Variants in ATF7 observed in about 807,000 individuals in gnomAD.
ATF7 encodes the protein cyclic AMP-dependent transcription factor ATF-7.
Under a neutral mutation model 50.4 loss-of-function variants are expected in ATF7, and 10 were observed. That is an observed-to-expected ratio of 0.20 (90% CI 0.12 to 0.34). ATF7 has a LOEUF of 0.34. ATF7 is among the 10% of genes least tolerant of loss of function. The pLI is 1.00. For missense variants in ATF7, 465 were observed against 613.9 expected, an observed-to-expected ratio of 0.76 and a Z score of 2.56; for synonymous variants, 201 against 226.4, an observed-to-expected ratio of 0.89 and a Z score of 1.01.
intron 3 of ATF7, among the ~76,000 whole-genome samples, chr12:53,547,785 ATG>A (rs1940043664): frequency 2.4e-5 from 3 of 123,136 alleles, no homozygotes; most frequent in Non-Finnish European, 3.6e-5. Flanking sequence ...GTATGTATGT[ATG>A]TATGTATGAT....
intron 8 of ATF7, 112 bp from the exon 9 acceptor site, chr12:53,532,008 T>A: frequency 8.2e-7 from 1 of 1,217,730 alleles, no homozygotes; most frequent in Non-Finnish European, 1.1e-6. Flanking sequence ...ATTTCCACTC[T>A]AGTTCTCCCT....
At chr12:53,588,610 C>T (rs901921426) in intron 2 of ATF7, among the ~76,000 whole-genome samples, 4 of 152,074 alleles carry the variant, frequency 2.6e-5, no homozygotes, top group African/African-American at 7.2e-5. Context: ...AAAACTAAGG[C>T]GAGAAAGAAG....
Position 53,554,854 on chromosome 12 carries a change from CCT to C in ATF7, c.49-2219_49-2218del, listed in dbSNP as rs1940612757. Among the ~76,000 whole-genome samples the C allele has an allele frequency of 3.8e-5, 4 of 104,576 alleles. No homozygotes were observed. In the Admixed American group the frequency reaches 5.3e-4, roughly 14 times the overall value. The allele number at this position is 104,576 out of a possible 152,430, so 68.6% of individuals were successfully genotyped here. A position where few individuals can be genotyped will look rare whatever the true frequency, so the allele number is the denominator to read the frequency against. Reference sequence around the variant, plus strand: ...CTCCAGCCTGGGTGACAGAGGAAGACCTTGTCTCAAAAAAAGAAAAAAAAAAA... The same window carrying C: ...CTCCAGCCTGGGTGACAGAGGAAGACTGTCTCAAAAAAAGAAAAAAAAAAA... On this transcript the variant is annotated intron_variant, in intron 2 of 11. Transcript: ENST00000420353.
chr12:53,583,637 T>C (rs1416497638), intron 2 of ATF7, among the ~76,000 whole-genome samples: 1 of 152,140 alleles, frequency 6.6e-6, no homozygotes, highest in Non-Finnish European at 1.5e-5. Context: ...GACTTTTGTA[T>C]GGCGATGACT....
At chr12:53,569,268 G>A (rs1195026916) in intron 2 of ATF7, among the ~76,000 whole-genome samples, 2 of 152,200 alleles carry the variant, frequency 1.3e-5, no homozygotes, top group Non-Finnish European at 2.9e-5. Context: ...CAACACAGAA[G>A]AACAGCAGCA....
chr12:53,521,516 C>T (rs1423385907), intron 11 of ATF7, among the ~76,000 whole-genome samples: 1 of 152,206 alleles, frequency 6.6e-6, no homozygotes, highest in Non-Finnish European at 1.5e-5. Context: ...TGATCCTCCT[C>T]CCTATAGTAC....
intron 4 of ATF7, chr12:53,542,945 G>A (rs1939661472): frequency 6.5e-6 from 7 of 1,076,752 alleles, no homozygotes; most frequent in Non-Finnish European, 7.9e-6. Context: ...GTGTAGCTGA[G>A]AAGTCTGATC....
At chr12:53,552,918 AGG>A (rs1454760101) in intron 2 of ATF7, among the ~76,000 whole-genome samples, 2 of 152,110 alleles carry the variant, frequency 1.3e-5, no homozygotes, top group African/African-American at 4.8e-5. Context: ...TCCAAGTAGG[AGG>A]CTCCAAATGA....
intron 1 of ATF7, among the ~76,000 whole-genome samples, chr12:53,624,436 CA>C (rs1156340892): frequency 6.6e-6 from 1 of 152,206 alleles, no homozygotes; most frequent in Non-Finnish European, 1.5e-5. Flanking sequence ...AATGTAAAAG[CA>C]AAATCTACGC....
intron 3 of ATF7, among the ~76,000 whole-genome samples, chr12:53,546,498 G>C (rs1939926697): frequency 6.6e-6 from 1 of 150,492 alleles, no homozygotes; most frequent in East Asian, 1.9e-4. Context: ...ACCCAGGCTG[G>C]AGTGCAGCAA....
At chr12:53,560,948 CT>C (rs112538823) in intron 2 of ATF7, among the ~76,000 whole-genome samples, 9,688 of 137,610 alleles carry the variant, frequency 0.07, 428 homozygotes, top group East Asian at 0.19. Context: ...TCTTTTCTTT[CT>C]TTTTTTTTTT....
At chr12:53,523,118 T>G in intron 11 of ATF7, 158 bp downstream of exon 11, 1 of 588,804 alleles carries the variant, frequency 1.7e-6, no homozygotes, top group Non-Finnish European at 3.0e-6. Context: ...ACAAAAACAT[T>G]TTTTTTCTAG....
At chr12:53,527,488 CAAAT>C (rs1477428324) in intron 9 of ATF7, among the ~76,000 whole-genome samples, 1 of 147,548 alleles carries the variant, frequency 6.8e-6, no homozygotes. Context: ...GACTCAAAAA[CAAAT>C]AAAAAAAAGA....
intron 2 of ATF7, among the ~76,000 whole-genome samples, chr12:53,579,379 C>T (rs1942272473): frequency 6.6e-6 from 1 of 151,808 alleles, no homozygotes; most frequent in Non-Finnish European, 1.5e-5. Flanking sequence ...TAGTGAAATG[C>T]CATCTCTACT....
At chr12:53,520,431 A>C (rs1176999260) in intron 11 of ATF7, among the ~76,000 whole-genome samples, 3 of 152,144 alleles carry the variant, frequency 2.0e-5, no homozygotes, top group African/African-American at 7.2e-5. Flanking sequence ...AAAAAAAATT[A>C]GCTGGGCATG....
intron 3 of ATF7, 90 bp downstream of exon 3, chr12:53,552,451 G>A: frequency 1.0e-6 from 1 of 997,944 alleles, no homozygotes. Flanking sequence ...ATGGGAGAAA[G>A]GGAGTACAGC....
At chr12:53,613,251 T>C (rs1943976339) in intron 1 of ATF7, among the ~76,000 whole-genome samples, 1 of 98,614 alleles carries the variant, frequency 1.0e-5, no homozygotes, top group Non-Finnish European at 2.0e-5. Flanking sequence ...TTTCTTCAAA[T>C]ACTTAAAATG....
At chr12:53,562,918 G>C (rs1941229739) in intron 2 of ATF7, among the ~76,000 whole-genome samples, 1 of 152,116 alleles carries the variant, frequency 6.6e-6, no homozygotes, top group Non-Finnish European at 1.5e-5. Context: ...GGTGGGGTGG[G>C]TTTGAAATCA....
intron 9 of ATF7, among the ~76,000 whole-genome samples, chr12:53,528,805 T>C (rs1323288511): frequency 6.6e-6 from 1 of 151,268 alleles, no homozygotes; most frequent in African/African-American, 2.4e-5. Context: ...AAAGAAAAAA[T>C]TAGTTCTTTA....
Sources: gnomAD v4.1 joint callset for allele counts (sites outside exome capture counted in the v4.1 genomes callset) on GRCh38, gnomAD v4.1.1 for gene constraint, MANE v1.5 for transcripts, NCBI Gene and HGNC (gene_info 2026-07-23, HGNC 2026-07-21) for gene names.